Variants in LIG3 observed in about 807,000 individuals in gnomAD.
LIG3 encodes the protein DNA ligase 3, also known as ligase II, DNA, ATP-dependent.
In LIG3, 58 loss-of-function variants were observed where a neutral mutation model predicts 110.9. The observed-to-expected ratio is 0.52, with a 90% CI of 0.42 to 0.65. The LOEUF is 0.65. Among genes scored for constraint, LIG3 ranks in the 30% least tolerant of loss-of-function variants. The pLI is 0.00. For synonymous variants in LIG3, 422 were observed against 472.8 expected (o/e 0.89, Z 1.39); for missense variants, 1,094 against 1,273.8 (o/e 0.86, Z 2.15).
chr17:34,989,522 T>C lies in LIG3; in HGVS notation c.748T>C (p.Ser250Pro). 6.2e-7 allele frequency: 1 copy of C among 1,614,070 alleles called. No homozygotes were observed. The highest frequency in any genetic ancestry group is 8.5e-7 in the Non-Finnish European group (1 of 1,180,012). Residue 250 changes from serine (S) to proline (P), a missense_variant, in exon 4 of 20, where the codon TCT becomes CCT. By Grantham distance (74) the Ser-to-Pro change is moderately conservative. Coordinates refer to ENST00000378526, the MANE Select transcript of LIG3 (RefSeq NM_013975.4). ...PSSPTPKRSL[S>P]SSKCDPRHKD... ...GAGCCCCACCCCTAAGAGAAGTCTG[T>C]CTTCAAGCAAATGTGACCCCAGGCA...
chr17:35,010,761 A>G (rs2090932762), downstream of LIG3: 1 of 151,084 alleles, frequency 6.6e-6, no homozygotes, highest in Non-Finnish European at 1.5e-5. Flanking sequence ...AAAAAAAAAA[A>G]TGCTTTCTCC....
At position 34,994,386 on chromosome 17, in the gene LIG3, C is replaced by T; in HGVS notation, c.1566C>T (p.His522=). 6.2e-7 allele frequency: 1 copy of T among 1,614,206 alleles called. No individual in the cohort carries two copies. Among genetic ancestry groups the T allele is most frequent in the Non-Finnish European group, 8.5e-7 (1 of 1,180,012 alleles). Residue 522 remains histidine, a synonymous_variant, in exon 9 of 20, where the codon CAC becomes CAT. Transcript: ENST00000378526. ...ERVQVHKNGD[H]FSYFSRSLKP... ...TCCAGGTGCATAAGAATGGAGACCA[C>T]TTCAGCTACTTCAGCCGCAGTCTCA...
Position 35,001,286 on chromosome 17 carries a change from T to C in LIG3, c.2361T>C (p.Ala787=). ...KKAAVWEITG[A]EFSKSEAHTA... ...CTGCCGTGTGGGAGATCACAGGGGCTGAATTCTCCAAATCGGAGGCTCATA... is the reference window on the plus strand; with the variant it reads ...CTGCCGTGTGGGAGATCACAGGGGCCGAATTCTCCAAATCGGAGGCTCATA... Residue 787 remains alanine, a synonymous_variant, in exon 17 of 20, where the codon GCT becomes GCC. Coordinates refer to ENST00000378526, the MANE Select transcript of LIG3 (RefSeq NM_013975.4). 6.2e-7 allele frequency: 1 copy of C among 1,614,154 alleles called. No individual in the cohort carries two copies. Among genetic ancestry groups the C allele is most frequent in the Non-Finnish European group, 8.5e-7 (1 of 1,179,982 alleles).
intron 3 of LIG3, among the ~76,000 whole-genome samples, chr17:34,987,399 G>T (rs915726059): frequency 1.3e-5 from 2 of 152,160 alleles, no homozygotes; most frequent in Non-Finnish European, 2.9e-5. Flanking sequence ...GGTTATCATG[G>T]AGTTAGTATT....
intron 3 of LIG3, 98 bp from the exon 4 acceptor site, chr17:34,989,368 A>G: frequency 1.8e-6 from 2 of 1,101,200 alleles, no homozygotes; most frequent in East Asian, 5.2e-5. Context: ...GAGATTAAAT[A>G]AAGCTAAATA....
intron 1 of LIG3, among the ~76,000 whole-genome samples, chr17:34,982,463 G>A (rs2090606606): frequency 6.6e-6 from 1 of 152,060 alleles, no homozygotes; most frequent in Admixed American, 6.6e-5. Context: ...TGACCAACAA[G>A]AAGAAACCCC....
At chr17:34,997,961 T>G in intron 12 of LIG3, 136 bp downstream of exon 12, 1 of 716,798 alleles carries the variant, frequency 1.4e-6, no homozygotes, top group Non-Finnish European at 2.4e-6. Context: ...CTTTGACTAT[T>G]GCATATGTTG....
In LIG3 at chr17:34,987,739, G is replaced by T. The variant is rs527625463; in HGVS notation, c.691+1608G>T. Among the ~76,000 whole-genome samples the T allele has an allele frequency of 6.6e-5, 10 of 152,292 alleles. No homozygotes were observed. In the South Asian group the frequency reaches 2.1e-3, roughly 32 times the overall value. On this transcript the variant is annotated intron_variant, in intron 3 of 19. Coordinates refer to ENST00000378526, the MANE Select transcript of LIG3 (RefSeq NM_013975.4). ...ACAGGGTGCTATAGGAGCACAGGCAGCAATATATAGATTACTTTCCCCTCT... is the reference window on the plus strand; with the variant it reads ...ACAGGGTGCTATAGGAGCACAGGCATCAATATATAGATTACTTTCCCCTCT...
At chr17:35,010,773 T>TG (rs1270186611), downstream of LIG3, 1 of 148,316 alleles carries the variant, frequency 6.7e-6, no homozygotes, top group African/African-American at 2.5e-5. Context: ...GCTTTCTCCC[T>TG]GACCTGCCCC....
chr17:34,997,856 C>T, intron 12 of LIG3, 31 bp downstream of exon 12: 2 of 1,565,552 alleles, frequency 1.3e-6, no homozygotes, highest in African/African-American at 1.4e-5. Context: ...AGGCAGTGTC[C>T]TAGAAGTTTG....
intron 9 of LIG3, among the ~76,000 whole-genome samples, chr17:34,994,871 T>C (rs539082583): frequency 7.5e-4 from 114 of 152,296 alleles, no homozygotes; most frequent in Non-Finnish European, 1.3e-3. Context: ...GGTGGGGATA[T>C]AGCAGTGGAA....
intron 4 of LIG3, among the ~76,000 whole-genome samples, chr17:34,990,097 G>T (rs1382226644): frequency 6.6e-6 from 1 of 152,162 alleles, no homozygotes; most frequent in African/African-American, 2.4e-5. Flanking sequence ...CACTGGGCAC[G>T]TGAAGTGAAA....
At position 35,005,448 on chromosome 17, in the gene LIG3, T is replaced by C. The variant is rs1206149470; in HGVS notation, c.*942T>C. The C allele has an allele frequency of 1.8e-6, 1 of 560,586 alleles. No homozygotes were observed. Among genetic ancestry groups the C allele is most frequent in the African/African-American group, 1.9e-5 (1 of 52,912 alleles). 34.7% of individuals were successfully genotyped at this position (560,586 alleles called of 1,614,324 possible). On this transcript the variant is annotated 3_prime_UTR_variant, in exon 20 of 20. Coordinates refer to ENST00000378526, the MANE Select transcript of LIG3 (RefSeq NM_013975.4). ...TTCCTCATGACTGGAGGAATAATTATATGATATTGTTGAACCCCCAAGTAT... is the reference window on the plus strand; with the variant it reads ...TTCCTCATGACTGGAGGAATAATTACATGATATTGTTGAACCCCCAAGTAT...
In LIG3 at chr17:34,991,067, C is replaced by G. The variant is rs769573144; in HGVS notation, c.994C>G (p.Arg332Gly). ...NDKQIVKLFSRIFNCNPDDMA... is the reference protein window; with the variant it reads ...NDKQIVKLFSGIFNCNPDDMA... ...TAAGCAGATTGTGAAGCTTTTCAGTCGCATTTTTAACTGCAACCCAGATGA... is the reference window on the plus strand; with the variant it reads ...TAAGCAGATTGTGAAGCTTTTCAGTGGCATTTTTAACTGCAACCCAGATGA... Residue 332 changes from arginine (R) to glycine (G), a missense_variant, in exon 5 of 20, where the codon CGC becomes GGC. Arg to Gly is a moderately radical substitution (Grantham distance 125). Coordinates refer to ENST00000378526, the MANE Select transcript of LIG3 (RefSeq NM_013975.4). 6.2e-7 allele frequency: 1 copy of G among 1,613,938 alleles called. No individual in the cohort carries two copies. Among genetic ancestry groups the G allele is most frequent in the Non-Finnish European group, 8.5e-7 (1 of 1,180,026 alleles).
chr17:34,986,898 C>T (rs1254597921), intron 3 of LIG3, among the ~76,000 whole-genome samples: 1 of 152,090 alleles, frequency 6.6e-6, no homozygotes, highest in Non-Finnish European at 1.5e-5. Flanking sequence ...ACTGGAACTT[C>T]ATGGAACACA....
At chr17:34,997,142 C>A in intron 11 of LIG3, 1 of 164,934 alleles carries the variant, frequency 6.1e-6, no homozygotes, top group South Asian at 1.6e-4. Context: ...ATGGGTGGGA[C>A]CATCTTGGAG....
In LIG3 at chr17:34,980,568, G is replaced by C. The variant is rs1392907356; in HGVS notation, c.-59G>C. 2.3e-6 allele frequency: 3 copies of C among 1,287,560 alleles called. No homozygotes were observed. Among genetic ancestry groups the C allele is most frequent in the Non-Finnish European group, 3.0e-6 (3 of 987,808 alleles). 79.8% of individuals were successfully genotyped at this position (1,287,560 alleles called of 1,614,324 possible). On this transcript the variant is annotated 5_prime_UTR_variant, in exon 1 of 20. Coordinates refer to ENST00000378526, the MANE Select transcript of LIG3 (RefSeq NM_013975.4). ...CTCCAACCGTCGTGGGCTGCCCGCG[G>C]CCTGTAATGAGCAAGTTCCGAGGCC...
rs768439043 is a variant in LIG3 at position 34,983,240 on chromosome 17, G to T, written c.235G>T (p.Val79Leu). 6.2e-7 allele frequency: 1 copy of T among 1,614,234 alleles called. No individual in the cohort carries two copies. Among genetic ancestry groups the T allele is most frequent in the Non-Finnish European group, 8.5e-7 (1 of 1,180,026 alleles). ...CCTTGTTTTCTTGCCAGGGTTGCAT[G>T]TGGGACTCTGCAGTGGCCCCTGTGA... ...TYLVFLPGLHVGLCSGPCEMA... is the reference protein window; with the variant it reads ...TYLVFLPGLHLGLCSGPCEMA... Residue 79 changes from valine (V) to leucine (L), a missense_variant, in exon 2 of 20, where the codon GTG becomes TTG. By Grantham distance (32) the Val-to-Leu change is conservative. Transcript: ENST00000378526.
intron 3 of LIG3, among the ~76,000 whole-genome samples, chr17:34,987,944 C>T (rs2090675197): frequency 6.6e-6 from 1 of 151,988 alleles, no homozygotes; most frequent in Non-Finnish European, 1.5e-5. Flanking sequence ...CTTGTAATCC[C>T]AGCACTTTGG....
Sources: allele counts gnomAD v4.1 joint callset (sites outside exome capture counted in the v4.1 genomes callset), GRCh38; gene constraint gnomAD v4.1.1; transcripts MANE v1.5; gene names NCBI Gene and HGNC (gene_info 2026-07-23, HGNC 2026-07-21).